The following CHN2 variants were observed in gnomAD, a reference collection of about 807,000 sequenced individuals.
CHN2 encodes the protein chimerin 2, also known as beta-chimaerin.
Under a neutral mutation model 56.3 loss-of-function variants are expected in CHN2, and 35 were observed. The observed-to-expected ratio is 0.62, with a 90% confidence interval of 0.47 to 0.82. CHN2 has a LOEUF of 0.82. Among genes scored for constraint, CHN2 ranks in the 40% least tolerant of loss-of-function variants. The pLI is 0.00. For synonymous variants in CHN2, 210 were observed against 212.8 expected (o/e 0.99, Z 0.12); for missense variants, 491 against 580.5 (o/e 0.85, Z 1.58).
intron 9 of CHN2, among the ~76,000 whole-genome samples, chr7:29,501,239 C>T (rs1160893565): frequency 1.3e-5 from 2 of 152,182 alleles, no homozygotes; most frequent in Non-Finnish European, 2.9e-5. Context: ...TCCCTGAGAA[C>T]TTGCTAATTT....
In CHN2 at chr7:29,508,923, A is replaced by G. The variant is rs137864788; in HGVS notation, c.1130-378A>G. On this transcript the variant is annotated intron_variant, in intron 11 of 12. Transcript: ENST00000222792. ...GACAACTGCAAGGCAATACTACCGT[A>G]TGTGGTGCAGTTTAAATTAAAACTT... 1.9e-3 allele frequency among the ~76,000 whole-genome samples: 281 copies of G among 149,794 alleles called. 2 individuals are homozygous for G. The highest frequency in any genetic ancestry group is 6.7e-3 in the African/African-American group (265 of 39,326).
intron 1 of CHN2, among the ~76,000 whole-genome samples, chr7:29,267,253 A>AT (rs1463450729): frequency 6.8e-6 from 1 of 146,304 alleles, no homozygotes; most frequent in East Asian, 2.0e-4. Context: ...TTTTTTTTTA[A>AT]TTTTTTTGAG....
At chr7:29,454,912 T>C (rs1159119274) in intron 6 of CHN2, among the ~76,000 whole-genome samples, 1 of 152,354 alleles carries the variant, frequency 6.6e-6, no homozygotes, top group East Asian at 1.9e-4. Context: ...ACTAGACTGC[T>C]TTTAAAAATT....
intron 2 of CHN2, among the ~76,000 whole-genome samples, chr7:29,366,845 G>A (rs1305121703): frequency 1.3e-5 from 2 of 152,078 alleles, no homozygotes; most frequent in Non-Finnish European, 2.9e-5. Context: ...AAGACATTGG[G>A]GAGCCATAGT....
intron 1 of CHN2, among the ~76,000 whole-genome samples, chr7:29,293,677 C>T (rs1040359232): frequency 1.3e-5 from 2 of 152,096 alleles, no homozygotes; most frequent in African/African-American, 2.4e-5. Flanking sequence ...CCTAGCTGTC[C>T]GCATGGCTCT....
intron 6 of CHN2, among the ~76,000 whole-genome samples, chr7:29,473,473 T>TTTTTTG (rs1786302661): frequency 9.3e-6 from 1 of 108,078 alleles, no homozygotes; most frequent in African/African-American, 3.6e-5. Context: ...TGTTTGTGTT[T>TTTTTTG]TTTTTTTTTT....
At chr7:29,252,580 T>TTTTTTTTTTTTTTTTTG (rs1788677324) in intron 1 of CHN2, among the ~76,000 whole-genome samples, 2 of 15,938 alleles carry the variant, frequency 1.3e-4, no homozygotes, top group Non-Finnish European at 1.9e-4. Context: ...CATTCTTTGT[T>TTTTTTTTTTTTTTTTTG]TTTTTTTTTT....
intron 1 of CHN2, among the ~76,000 whole-genome samples, chr7:29,285,895 A>G (rs1792102711): frequency 6.6e-6 from 1 of 152,254 alleles, no homozygotes; most frequent in African/African-American, 2.4e-5. Flanking sequence ...CTCTAGCACC[A>G]TATTGATGAC....
intron 1 of CHN2, among the ~76,000 whole-genome samples, chr7:29,331,376 T>C (rs1237706997): frequency 6.6e-6 from 1 of 152,150 alleles, no homozygotes; most frequent in Non-Finnish European, 1.5e-5. Context: ...GAAATTGTGT[T>C]ACTGGAGCCT....
chr7:29,198,218 A>G (rs1783896489), intron 1 of CHN2, among the ~76,000 whole-genome samples: 1 of 152,224 alleles, frequency 6.6e-6, no homozygotes, highest in African/African-American at 2.4e-5. Flanking sequence ...GCATAGACAG[A>G]GGTGAAGTCA....
chr7:29,377,427 G>A (rs1228287624), intron 3 of CHN2, among the ~76,000 whole-genome samples: 1 of 152,160 alleles, frequency 6.6e-6, no homozygotes, highest in Non-Finnish European at 1.5e-5. Context: ...CCTTATCTGT[G>A]GCTATGCATG....
At chr7:29,340,628 G>A (rs562111802) in intron 1 of CHN2, among the ~76,000 whole-genome samples, 37 of 152,294 alleles carry the variant, frequency 2.4e-4, no homozygotes, top group Middle Eastern at 3.4e-3. Context: ...GTGCTCCTAC[G>A]GGCTGGCACA....
At chr7:29,302,368 G>A (rs866555818) in intron 1 of CHN2, among the ~76,000 whole-genome samples, 1 of 150,978 alleles carries the variant, frequency 6.6e-6, no homozygotes, top group Middle Eastern at 3.4e-3. Flanking sequence ...TCACTGTGTT[G>A]CCCAGCCTGG....
intron 1 of CHN2, among the ~76,000 whole-genome samples, chr7:29,207,928 G>T (rs965995257): frequency 6.6e-6 from 1 of 152,154 alleles, no homozygotes; most frequent in African/African-American, 2.4e-5. Context: ...AAGAAAAAAT[G>T]CATTTGATCA....
At chr7:29,272,871 A>G (rs1344091353) in intron 1 of CHN2, among the ~76,000 whole-genome samples, 1 of 152,222 alleles carries the variant, frequency 6.6e-6, no homozygotes, top group Admixed American at 6.5e-5. Flanking sequence ...AATGGTTACA[A>G]TAGTAAAGCA....
At chr7:29,310,149 C>T (rs1476848438) in intron 1 of CHN2, among the ~76,000 whole-genome samples, 1 of 151,994 alleles carries the variant, frequency 6.6e-6, no homozygotes, top group Non-Finnish European at 1.5e-5. Flanking sequence ...TTAAAATGAA[C>T]ACTAAAATCA....
chr7:29,382,095 AG>A (rs1341788889), intron 3 of CHN2, among the ~76,000 whole-genome samples: 1 of 152,198 alleles, frequency 6.6e-6, no homozygotes, highest in Admixed American at 6.5e-5. Flanking sequence ...GAGGATCGAC[AG>A]GGTTGATATA....
chr7:29,248,683 A>G (rs1000622780), intron 1 of CHN2, among the ~76,000 whole-genome samples: 1 of 152,070 alleles, frequency 6.6e-6, no homozygotes, highest in African/African-American at 2.4e-5. Flanking sequence ...TATTTCCTGT[A>G]GATTCTTACT....
chr7:29,170,291 C>G (rs1796429045), intron 2 of CHN2, among the ~76,000 whole-genome samples: 1 of 152,140 alleles, frequency 6.6e-6, no homozygotes, highest in Admixed American at 6.5e-5. Context: ...ATCTTAATTA[C>G]TAGAGCAACT....
Sources: allele counts gnomAD v4.1 joint callset (sites outside exome capture counted in the v4.1 genomes callset), GRCh38; gene constraint gnomAD v4.1.1; transcripts MANE v1.5; gene names NCBI Gene and HGNC (gene_info 2026-07-23, HGNC 2026-07-21).